Variants in HPGDS observed in about 807,000 individuals in gnomAD.
The protein encoded by HPGDS is hematopoietic prostaglandin D synthase.
In HPGDS, 26 loss-of-function variants were observed where a neutral mutation model predicts 23.1. The ratio of observed to expected loss-of-function variants is 1.13; its 90% CI spans 0.83 to 1.56. The LOEUF (loss-of-function observed/expected upper bound fraction) is 1.56. HPGDS is among the 40% of genes most tolerant of loss of function. The pLI, the probability that HPGDS is intolerant of heterozygous loss-of-function variation, is 0.00. For synonymous variants in HPGDS, 95 were observed against 77.9 expected, an observed-to-expected ratio of 1.22 and a Z score of -1.16; for missense variants, 268 against 236.4, an observed-to-expected ratio of 1.13 and a Z score of -0.88.
Position 94,308,624 on chromosome 4 carries a change from A to G in HPGDS, c.336+10T>C. 6.9e-7 allele frequency: 1 copy of G among 1,452,022 alleles called. No individual in the cohort carries two copies. The highest frequency in any genetic ancestry group is 9.7e-7 in the Non-Finnish European group (1 of 1,036,160). The allele number at this position is 1,452,022 out of a possible 1,614,324, so 89.9% of individuals were successfully genotyped here. A position where few individuals can be genotyped will look rare whatever the true frequency, so the allele number is the denominator to read the frequency against. On this transcript the variant is annotated intron_variant, in intron 4 of 5. Transcript: ENST00000295256. ...AATTAATACTAGGAATAGCAAATGG[A>G]TCACATTACTTTCACATCTTGCTTT...
chr4:94,332,949 C>T (rs1221982900), intron 2 of HPGDS, among the ~76,000 whole-genome samples: 1 of 152,152 alleles, frequency 6.6e-6, no homozygotes, highest in East Asian at 1.9e-4. Context: ...GGACTTTGGC[C>T]CTTTTTTAAA....
In HPGDS at chr4:94,334,486, T is replaced by C; in HGVS notation, c.133+11A>G. The stretch of plus-strand genomic sequence containing the variant: ...CATATTTTTCCTACATTTATTATTT[T>C]TGCTACTTACTTGATTTGATTTCAG... On this transcript the variant is annotated intron_variant, in intron 2 of 5. Transcript: ENST00000295256. 1.3e-6 allele frequency: 2 copies of C among 1,568,212 alleles called. No homozygotes were observed. Among genetic ancestry groups the C allele is most frequent in the Non-Finnish European group, 1.7e-6 (2 of 1,159,372 alleles).
chr4:94,323,348 T>A (rs143436465), intron 2 of HPGDS, among the ~76,000 whole-genome samples: 43 of 152,322 alleles, frequency 2.8e-4, no homozygotes, highest in Middle Eastern at 3.4e-3. Flanking sequence ...ATCTGTCTAA[T>A]ATTGACATTG....
chr4:94,340,793 G>A (rs1245163413), intron 1 of HPGDS, among the ~76,000 whole-genome samples: 31 of 148,734 alleles, frequency 2.1e-4, no homozygotes, highest in African/African-American at 7.7e-4. Flanking sequence ...AGAGTAGCTG[G>A]GATTACAGGC....
chr4:94,334,588 T>C lies in HPGDS; in HGVS notation c.42A>G (p.Arg14=), dbSNP rs148378201. The change falls in exon 2 of 6, where the codon AGA becomes AGG. Residue 14 remains arginine (R), a synonymous_variant. Coordinates refer to ENST00000295256, the MANE Select transcript of HPGDS (RefSeq NM_014485.3). ...CAAATATGTAACGAATAATTTCTGC[T>C]CTCCCCCTCATATTAAAATAAGTGA... ...YKLTYFNMRG[R]AEIIRYIFAY... The C allele has an allele frequency of 2.6e-3, 4,194 of 1,613,338 alleles. 129 individuals carry two copies. In the Admixed American group the frequency reaches 0.056, roughly 21 times the overall value.
At chr4:94,320,565 G>C (rs1051153641) in intron 2 of HPGDS, among the ~76,000 whole-genome samples, 1 of 152,052 alleles carries the variant, frequency 6.6e-6, no homozygotes, top group African/African-American at 2.4e-5. Context: ...GTCTTTTTTT[G>C]AGAAGTGTCT....
At chr4:94,321,030 C>T (rs1166007277) in intron 2 of HPGDS, among the ~76,000 whole-genome samples, 1 of 152,152 alleles carries the variant, frequency 6.6e-6, no homozygotes, top group African/African-American at 2.4e-5. Flanking sequence ...ATCCTTCCCC[C>T]ATTTCTTGTT....
chr4:94,308,181 A>G (rs1004604784), intron 4 of HPGDS, among the ~76,000 whole-genome samples: 1 of 152,164 alleles, frequency 6.6e-6, no homozygotes, highest in Non-Finnish European at 1.5e-5. Flanking sequence ...ATAATTTTGC[A>G]CATTTGCTAA....
chr4:94,301,525 T>A (rs1025837112), intron 5 of HPGDS, among the ~76,000 whole-genome samples: 5 of 152,202 alleles, frequency 3.3e-5, no homozygotes, highest in Non-Finnish European at 7.4e-5. Context: ...AAAATACATA[T>A]GAGTTTATAC....
At chr4:94,310,671 A>G (rs1489267234) in intron 3 of HPGDS, among the ~76,000 whole-genome samples, 2 of 152,172 alleles carry the variant, frequency 1.3e-5, no homozygotes, top group African/African-American at 2.4e-5. Context: ...AATTCTGTGA[A>G]GAAAGTCACT....
At chr4:94,313,128 G>A (rs566710852) in intron 3 of HPGDS, among the ~76,000 whole-genome samples, 2 of 151,542 alleles carry the variant, frequency 1.3e-5, no homozygotes, top group Non-Finnish European at 2.9e-5. Context: ...GAGCATTTAG[G>A]CCATTTACAT....
rs11943938 is a variant in HPGDS, at chr4:94,340,630, G to T, written c.-10+2165C>A. On this transcript the variant is annotated intron_variant, in intron 1 of 5. Transcript: ENST00000295256. ...CTGGGTTTACAGGGGTGAGCCACCG[G>T]GCCCGGCCCGCCCCCCTCCCTTTTT... is the stretch of plus-strand genomic sequence containing the variant. Among the ~76,000 whole-genome samples the T allele has an allele frequency of 2.7e-5, 3 of 112,376 alleles. 1 individual carries two copies. The highest frequency in any genetic ancestry group is 6.0e-4 in the East Asian group (2 of 3,322). 73.7% of individuals were successfully genotyped at this position (112,376 alleles called of 152,430 possible).
intron 2 of HPGDS, among the ~76,000 whole-genome samples, chr4:94,325,354 C>T (rs1756609133): frequency 6.6e-6 from 1 of 152,208 alleles, no homozygotes; most frequent in Non-Finnish European, 1.5e-5. Flanking sequence ...GAAGTTTCTG[C>T]TGCCTTTTGT....
Position 94,322,493 on chromosome 4 carries a change from A to T in HPGDS, c.134-4528T>A, listed in dbSNP as rs187426543. ...ACTTCTTCCTGGTTTATTTTGGGGA[A>T]GGTGTATGTGTCCAGCAATTTATCC... On this transcript the variant is annotated intron_variant, in intron 2 of 5. Transcript: ENST00000295256. 3.9e-4 allele frequency among the ~76,000 whole-genome samples: 60 copies of T among 152,146 alleles called. No homozygotes were observed. The East Asian group carries it at 0.011, about 28-fold the overall frequency.
At chr4:94,316,619 C>A (rs1333894074) in intron 3 of HPGDS, among the ~76,000 whole-genome samples, 1 of 152,214 alleles carries the variant, frequency 6.6e-6, no homozygotes, top group Non-Finnish European at 1.5e-5. Context: ...TCCTTCTAAG[C>A]ATTTCTCTAA....
chr4:94,299,774 AT>A, intron 5 of HPGDS, 130 bp from the exon 6 acceptor site: 1 of 856,470 alleles, frequency 1.2e-6, no homozygotes, highest in East Asian at 2.7e-5. Flanking sequence ...CAGAATGTTT[AT>A]ATGATAGAAG....
chr4:94,319,185 A>G (rs962749650), intron 2 of HPGDS, among the ~76,000 whole-genome samples: 1 of 152,182 alleles, frequency 6.6e-6, no homozygotes, highest in Non-Finnish European at 1.5e-5. Context: ...TTCAGTTCTA[A>G]CAATATTTGC....
intron 3 of HPGDS, among the ~76,000 whole-genome samples, chr4:94,315,312 C>T (rs905533613): frequency 2.0e-5 from 3 of 152,164 alleles, no homozygotes; most frequent in Non-Finnish European, 4.4e-5. Context: ...TAACTAGCCT[C>T]AACTGATTAG....
At chr4:94,318,448 G>T (rs1206132203) in intron 2 of HPGDS, among the ~76,000 whole-genome samples, 13 of 152,068 alleles carry the variant, frequency 8.5e-5, no homozygotes, top group Admixed American at 4.6e-4. Context: ...TAATGATCAA[G>T]AAATTTTTTA....
Sources: allele counts gnomAD v4.1 joint callset (sites outside exome capture counted in the v4.1 genomes callset), GRCh38; gene constraint gnomAD v4.1.1; transcripts MANE v1.5; gene names NCBI Gene and HGNC (gene_info 2026-07-23, HGNC 2026-07-21).